TCF20: variants seen among roughly 807,000 people sequenced by gnomAD.
TCF20 encodes SPRE-binding protein.
TCF20 carries 3 observed loss-of-function variants against 148.6 expected under a neutral mutation model. That is an observed-to-expected ratio of 0.02 (90% CI 0.01 to 0.05). The LOEUF (loss-of-function observed/expected upper bound fraction) is 0.05, where lower values mean the gene tolerates loss of function less well. Among genes scored for constraint, TCF20 ranks in the 10% least tolerant of loss-of-function variants. The pLI, the probability that TCF20 is intolerant of heterozygous loss-of-function variation, is 1.00. For missense variants in TCF20, 2,350 were observed against 2,429.3 expected (o/e 0.97, Z 0.69); for synonymous variants, 1,049 against 909.5 (o/e 1.15, Z -2.76).
chr22:42,313,433 C>A (rs958288941), intron 1 of TCF20, among the ~76,000 whole-genome samples: 4 of 152,116 alleles, frequency 2.6e-5, no homozygotes, highest in Non-Finnish European at 5.9e-5. Context: ...ACCCTCTCAG[C>A]CTTCCTTCAC....
intron 2 of TCF20, among the ~76,000 whole-genome samples, chr22:42,181,695 C>A (rs1316520703): frequency 6.6e-6 from 1 of 151,544 alleles, no homozygotes; most frequent in Non-Finnish European, 1.5e-5. Flanking sequence ...GCAGTCTCTA[C>A]CTCCCAGGCT....
chr22:42,235,249 C>G (rs895330544), intron 1 of TCF20, among the ~76,000 whole-genome samples: 5 of 152,016 alleles, frequency 3.3e-5, no homozygotes, highest in African/African-American at 1.2e-4. Context: ...ATGTAACAGA[C>G]ACTGAGACAA....
At chr22:42,243,696 A>G (rs1168893120) in intron 1 of TCF20, among the ~76,000 whole-genome samples, 2 of 152,354 alleles carry the variant, frequency 1.3e-5, no homozygotes, top group East Asian at 3.9e-4. Context: ...CACCACACTA[A>G]TATGAGATAT....
Position 42,214,677 on chromosome 22 carries a change from G to A in TCF20, c.629C>T (p.Pro210Leu). 1 of 1,614,194 alleles carries A rather than the reference G, an allele frequency of 6.2e-7. No individual in the cohort carries two copies. The highest frequency in any genetic ancestry group is 2.2e-5 in the East Asian group (1 of 44,876). The change falls in exon 2 of 6, where the codon CCA becomes CTA. Residue 210 changes from proline to leucine, a missense_variant. By Grantham distance (98) the Pro-to-Leu change is moderately conservative (BLOSUM62 -3). Around this residue, in one of 7 missense-constraint regions of TCF20, gnomAD observed 1,641 missense variants for 1,662.6 expected, o/e 0.99. Coordinates refer to ENST00000677622, the MANE Select transcript of TCF20 (RefSeq NM_001378418.1). ...TGGCAGAGTTGAGGGCCGCTGCATT[G>A]GCTGTAGATGGGATGAGCTGGATGC... ...QPASSSSHLQPMQRPSTLPSS... is the reference protein window; with the variant it reads ...QPASSSSHLQLMQRPSTLPSS...
intron 1 of TCF20, among the ~76,000 whole-genome samples, chr22:42,307,817 T>A (rs115041215): frequency 6.6e-6 from 1 of 152,266 alleles, no homozygotes; most frequent in Admixed American, 6.5e-5. Context: ...TACCCAGCGG[T>A]GTGACTCCGG....
At chr22:42,271,105 G>A (rs540035447), upstream of TCF20, among the ~76,000 whole-genome samples, 501 of 152,276 alleles carry the variant, frequency 3.3e-3, 1 homozygote, top group African/African-American at 0.011. Context: ...CTGTTTAGTG[G>A]GGTCGGGCGT....
rs997055200 is a variant in TCF20, at chr22:42,325,015, G to A, written c.-37+18464C>T. On this transcript the variant is annotated intron_variant, in intron 1 of 1. Coordinates refer to the TCF20 transcript ENST00000515426. ...GCCTGGTGCCTGAGAGTGCAGACCC[G>A]GATGCTCCCTCTTTGTCTTCCCACC... Among the ~76,000 whole-genome samples, 11 of 152,342 alleles carry A rather than the reference G, an allele frequency of 7.2e-5. 1 individual carries two copies. Among genetic ancestry groups the A allele is most frequent in the Admixed American group, 3.9e-4 (6 of 15,310 alleles).
intron 4 of TCF20, among the ~76,000 whole-genome samples, chr22:42,169,319 G>A (rs940636790): frequency 1.3e-5 from 2 of 151,950 alleles, no homozygotes; most frequent in African/African-American, 4.8e-5. Flanking sequence ...AAGCGACCAC[G>A]AGACCACCTC....
chr22:42,173,164 C>G (rs17002862), intron 3 of TCF20, among the ~76,000 whole-genome samples: 2,555 of 150,222 alleles, frequency 0.017, 266 homozygotes, highest in Admixed American at 0.15. Flanking sequence ...TCTTTACGCA[C>G]AGTGGAATTA....
chr22:42,169,835 C>T lies in TCF20; in HGVS notation c.5799+12G>A. On this transcript the variant is annotated intron_variant, in intron 4 of 5. Coordinates refer to ENST00000677622, the MANE Select transcript of TCF20 (RefSeq NM_001378418.1). ...CCATCCCTGCTGGTAGCTCTTGGGG[C>T]CTCTGACTCACCTTGTGCTTAGGGC... 1 of 1,613,374 alleles carries T rather than the reference C, an allele frequency of 6.2e-7. No individual in the cohort carries two copies. Among genetic ancestry groups the T allele is most frequent in the Non-Finnish European group, 8.5e-7 (1 of 1,179,950 alleles).
chr22:42,198,960 C>G (rs988114176), intron 2 of TCF20, among the ~76,000 whole-genome samples: 1 of 152,120 alleles, frequency 6.6e-6, no homozygotes, highest in Admixed American at 6.5e-5. Flanking sequence ...CCACTGCGCC[C>G]TGCCCCCTCC....
intron 2 of TCF20, among the ~76,000 whole-genome samples, chr22:42,202,572 C>A (rs541357642): frequency 5.8e-4 from 89 of 152,326 alleles, no homozygotes; most frequent in African/African-American, 2.1e-3. Context: ...CAGGACCTTC[C>A]GGGGCAAGTG....
chr22:42,280,553 G>A (rs1308118811), intron 1 of TCF20, among the ~76,000 whole-genome samples: 16 of 152,216 alleles, frequency 1.1e-4, no homozygotes, highest in Non-Finnish European at 4.4e-5. Flanking sequence ...CCCTACATGT[G>A]GCTCAGGGTG....
intron 1 of TCF20, among the ~76,000 whole-genome samples, chr22:42,225,624 A>G (rs1404660235): frequency 2.7e-5 from 4 of 150,836 alleles, no homozygotes; most frequent in Non-Finnish European, 3.0e-5. Context: ...CCGTCTCAAA[A>G]AAAAAAAAAA....
At chr22:42,162,658 G>A (rs1303553994) in intron 5 of TCF20, among the ~76,000 whole-genome samples, 1 of 152,212 alleles carries the variant, frequency 6.6e-6, no homozygotes, top group Non-Finnish European at 1.5e-5. Flanking sequence ...CAATCACTGT[G>A]CTTAAGACTG....
intron 1 of TCF20, among the ~76,000 whole-genome samples, chr22:42,219,321 A>G (rs899542665): frequency 8.1e-5 from 11 of 136,230 alleles, no homozygotes; most frequent in East Asian, 2.2e-4. Flanking sequence ...GAATGTGCCA[A>G]TGTGCTCCAC....
Position 42,212,459 on chromosome 22 carries a change from G to A in TCF20, c.2847C>T (p.Asp949=). Residue 949 remains aspartate, a synonymous_variant, in exon 2 of 6, where the codon GAC becomes GAT. Coordinates refer to ENST00000677622, the MANE Select transcript of TCF20 (RefSeq NM_001378418.1). ...QASFNNKKSG[D]HCHPPSIKHE... ...GCTTGATGCTAGGAGGATGGCAGTGGTCTCCAGATTTCTTGTTGTTGAAAC... is the reference window on the plus strand; with the variant it reads ...GCTTGATGCTAGGAGGATGGCAGTGATCTCCAGATTTCTTGTTGTTGAAAC... 1 of 1,614,232 alleles carries A rather than the reference G, an allele frequency of 6.2e-7. No homozygotes were observed. Among genetic ancestry groups the A allele is most frequent in the Non-Finnish European group, 8.5e-7 (1 of 1,180,046 alleles).
chr22:42,215,459 G>A, intron 1 of TCF20, 118 bp from the exon 2 acceptor site: 1 of 1,303,308 alleles, frequency 7.7e-7, no homozygotes. Context: ...TGACTGGTTT[G>A]AATTTCTATT....
rs1046581539 is a variant in TCF20, at chr22:42,161,245, C to T, written c.*158G>A. Reference sequence around the variant, plus strand: ...ATGTGAGAACTTAAGGAAGTGCTGGCATGGGCAGGCACGCGGGCGGGGCGG... The same window carrying T: ...ATGTGAGAACTTAAGGAAGTGCTGGTATGGGCAGGCACGCGGGCGGGGCGG... On this transcript the variant is annotated 3_prime_UTR_variant, in exon 6 of 6. Coordinates refer to ENST00000677622, the MANE Select transcript of TCF20 (RefSeq NM_001378418.1). 5 of 1,499,786 alleles carry T rather than the reference C, an allele frequency of 3.3e-6. No individual in the cohort carries two copies. In the East Asian group the frequency reaches 6.9e-5, roughly 21 times the overall value. 92.9% of individuals were successfully genotyped at this position (1,499,786 alleles called of 1,614,324 possible).
Sources: allele counts gnomAD v4.1 joint callset (sites outside exome capture counted in the v4.1 genomes callset), GRCh38; gene constraint gnomAD v4.1.1; regional missense constraint gnomAD v4.1.1; transcripts MANE v1.5; gene names NCBI Gene and HGNC (gene_info 2026-07-23, HGNC 2026-07-21).